COL4A4: variants seen among roughly 807,000 people sequenced by gnomAD.
COL4A4 encodes the protein collagen alpha-4(IV) chain.
COL4A4 carries 105 observed loss-of-function variants against 192.9 expected under a neutral mutation model. The observed-to-expected ratio is 0.54, with a 90% CI of 0.46 to 0.64. The LOEUF is 0.64. COL4A4 is among the 30% of genes least tolerant of loss of function. COL4A4 has a pLI of 0.00. For synonymous variants in COL4A4, 762 were observed against 769.9 expected (o/e 0.99, Z 0.17); for missense variants, 1,967 against 2,169.3 (o/e 0.91, Z 1.85).
At chr2:227,022,585 T>C (rs936035214) in intron 43 of COL4A4, 2 of 535,676 alleles carry the variant, frequency 3.7e-6, no homozygotes, top group Non-Finnish European at 7.7e-6. Context: ...CTCAGCTTCA[T>C]GTGTCCCTGA....
intron 35 of COL4A4, among the ~76,000 whole-genome samples, chr2:227,046,617 A>C (rs1298304033): frequency 1.3e-5 from 2 of 152,212 alleles, no homozygotes; most frequent in East Asian, 3.9e-4. Flanking sequence ...AGGGTCCAGA[A>C]AGGGAGTACC....
At chr2:226,971,973 A>T in the COL4A4 span, among the ~76,000 whole-genome samples, 1 of 151,308 alleles carries the variant, frequency 6.6e-6, no homozygotes, top group South Asian at 2.1e-4. Flanking sequence ...TAGGTTTGTT[A>T]CATAGGTCAC....
intron 19 of COL4A4, among the ~76,000 whole-genome samples, chr2:227,094,780 C>T (rs568462537): frequency 1.4e-4 from 22 of 152,246 alleles, no homozygotes; most frequent in African/African-American, 4.8e-4. Context: ...GATCATTGTA[C>T]AATGTATACA....
intron 4 of COL4A4, among the ~76,000 whole-genome samples, chr2:227,134,013 A>C (rs185470733): frequency 1.9e-3 from 284 of 152,320 alleles, no homozygotes; most frequent in African/African-American, 6.6e-3. Context: ...TTCAGAAATC[A>C]AGGTTCCTGT....
At position 227,080,450 on chromosome 2, in the gene COL4A4, C is replaced by T; in HGVS notation, c.1796G>A (p.Gly599Glu). ...DGHAGEKGDP[G>E]PPGDHEDATP... The stretch of plus-strand genomic sequence containing the variant: ...GAGAAGAATTCTACATACTGGAGGT[C>T]CTGGATCCCCTTTTTCTCCAGCATG... The change falls in exon 24 of 48, where the codon GGA becomes GAA. Residue 599 changes from glycine (G) to glutamate (E), a missense_variant. Transcript: ENST00000396625. The T allele has an allele frequency of 6.2e-7, 1 of 1,613,672 alleles. No individual in the cohort carries two copies. Among genetic ancestry groups the T allele is most frequent in the Non-Finnish European group, 8.5e-7 (1 of 1,179,612 alleles).
chr2:227,014,892 C>CTTTTTTTTTTTTTTTTTTTT (rs1179125792), intron 44 of COL4A4, among the ~76,000 whole-genome samples: 2 of 106,586 alleles, frequency 1.9e-5, no homozygotes, highest in African/African-American at 7.6e-5. Flanking sequence ...CCATGCCTGG[C>CTTTTTTTTTTTTTTTTTTTT]TTTTTTTTTT....
At chr2:227,098,519 C>T (rs1427534851) in intron 19 of COL4A4, among the ~76,000 whole-genome samples, 175 bp downstream of exon 19, 1 of 152,224 alleles carries the variant, frequency 6.6e-6, no homozygotes, top group African/African-American at 2.4e-5. Flanking sequence ...ATCAGATCCC[C>T]AGGCCCATCT....
intron 3 of COL4A4, among the ~76,000 whole-genome samples, chr2:227,142,757 C>CA (rs35268319): frequency 0.063 from 4,229 of 66,804 alleles, 128 homozygotes; most frequent in Admixed American, 0.15. Flanking sequence ...CCCTGTCTCA[C>CA]AAAAAAAAAA....
At chr2:227,149,340 A>G (rs946278046) in intron 1 of COL4A4, among the ~76,000 whole-genome samples, 6 of 152,200 alleles carry the variant, frequency 3.9e-5, no homozygotes, top group African/African-American at 7.2e-5. Context: ...AATTTGTTTT[A>G]GTTATAAACT....
intron 34 of COL4A4, 117 bp downstream of exon 34, chr2:227,049,951 G>T: frequency 1.1e-6 from 1 of 905,540 alleles, no homozygotes; most frequent in Non-Finnish European, 1.8e-6. Flanking sequence ...AGAGCCCCTT[G>T]GGTGTTGCAG....
chr2:227,083,380 T>A (rs2059422495), intron 22 of COL4A4, among the ~76,000 whole-genome samples: 1 of 152,062 alleles, frequency 6.6e-6, no homozygotes, highest in Non-Finnish European at 1.5e-5. Context: ...TGGAGGGAGG[T>A]AAAAATGACT....
Position 227,057,754 on chromosome 2 carries a change from T to C in COL4A4, c.2384-154A>G, listed in dbSNP as rs2141828. ...AGTCTTTGAGTGGATTTTCTTATCA[T>C]AGATGTAATGAGTTCCTTATGAACA... On this transcript the variant is annotated intron_variant, in intron 28 of 47. Coordinates refer to ENST00000396625, the MANE Select transcript of COL4A4 (RefSeq NM_000092.5). 0.31 allele frequency among the ~76,000 whole-genome samples: 46,917 copies of C among 152,226 alleles called. 8,461 individuals are homozygous for C. Among genetic ancestry groups the C allele is most frequent in the South Asian group, 0.44 (2,113 of 4,828 alleles).
At chr2:227,130,500 G>A (rs752959735) in intron 4 of COL4A4, among the ~76,000 whole-genome samples, 9 of 152,154 alleles carry the variant, frequency 5.9e-5, no homozygotes, top group African/African-American at 9.7e-5. Flanking sequence ...CAGCATCCCT[G>A]CCCCTTGGCC....
In COL4A4 at chr2:227,117,888, A is replaced by AT. The variant is rs1201465300; in HGVS notation, c.489+756dup. 5.3e-5 allele frequency among the ~76,000 whole-genome samples: 8 copies of AT among 152,192 alleles called. No individual in the cohort carries two copies. In the East Asian group the frequency reaches 1.2e-3, roughly 22 times the overall value. On this transcript the variant is annotated intron_variant, in intron 7 of 47. Transcript: ENST00000396625. ...ATCCATTCCAAATCTTTTCTAATATATTTTTTTGCATTACAGGGGCTAGAA... is the reference window on the plus strand; with the variant it reads ...ATCCATTCCAAATCTTTTCTAATATATTTTTTTTGCATTACAGGGGCTAGAA...
chr2:227,054,767 A>G (rs1220861479), intron 30 of COL4A4, 30 bp from the exon 31 acceptor site: 1 of 1,598,814 alleles, frequency 6.3e-7, no homozygotes. Flanking sequence ...AAGTTTTAGG[A>G]AAATATTTTA....
chr2:227,053,844 C>A (rs1974709296), intron 31 of COL4A4, among the ~76,000 whole-genome samples: 2 of 151,714 alleles, frequency 1.3e-5, no homozygotes, highest in South Asian at 4.1e-4. Flanking sequence ...CCACACCTGG[C>A]CAGAAAACTT....
At chr2:227,125,212 T>G (rs2062016309) in intron 4 of COL4A4, among the ~76,000 whole-genome samples, 1 of 152,190 alleles carries the variant, frequency 6.6e-6, no homozygotes, top group Admixed American at 6.5e-5. Context: ...TATTTTTTTT[T>G]TGTTTTTTTT....
intron 37 of COL4A4, among the ~76,000 whole-genome samples, chr2:227,041,867 AAAG>A (rs1971416851): frequency 8.8e-5 from 12 of 136,298 alleles, no homozygotes; most frequent in African/African-American, 3.2e-4. Flanking sequence ...AGAAAGAAAG[AAAG>A]AAAGAAAGAA....
intron 7 of COL4A4, among the ~76,000 whole-genome samples, chr2:227,115,644 A>G (rs2061454255): frequency 6.6e-6 from 1 of 152,200 alleles, no homozygotes; most frequent in Admixed American, 6.5e-5. Flanking sequence ...TATCAAGCTC[A>G]TATGAAAGAT....
Sources: allele counts gnomAD v4.1 joint callset (sites outside exome capture counted in the v4.1 genomes callset), GRCh38; gene constraint gnomAD v4.1.1; transcripts MANE v1.5; gene names NCBI Gene and HGNC (gene_info 2026-07-23, HGNC 2026-07-21).